The following PPP3CA variants were observed in gnomAD, a reference collection of about 807,000 sequenced individuals.
PPP3CA encodes CAM-PRP catalytic subunit.
PPP3CA carries 14 observed loss-of-function variants against 66.5 expected under a neutral mutation model. The ratio of observed to expected loss-of-function variants is 0.21; its 90% confidence interval spans 0.14 to 0.33. The LOEUF is 0.33. Ranked by LOEUF, PPP3CA falls within the 10% of genes least tolerant of loss-of-function variation. The pLI is 1.00. For missense variants in PPP3CA, 317 were observed against 639.5 expected (o/e 0.50, Z 5.44); for synonymous variants, 232 against 226.2 (o/e 1.03, Z -0.23).
Position 101,273,015 on chromosome 4 carries a change from T to C in PPP3CA, c.58+73724A>G, listed in dbSNP as rs1042550706. ...AATTCCAAAAGAACATTCTCCAGAT[T>C]GACTTTTGGTCATTTGAAGTACTAT... On this transcript the variant is annotated intron_variant, in intron 1 of 13. Coordinates refer to ENST00000394854, the MANE Select transcript of PPP3CA (RefSeq NM_000944.5). Among the ~76,000 whole-genome samples the C allele has an allele frequency of 2.0e-5, 3 of 152,192 alleles. No homozygotes were observed. In the East Asian group the frequency reaches 5.8e-4, roughly 29 times the overall value.
chr4:101,205,533 T>G (rs1013468059), intron 1 of PPP3CA, among the ~76,000 whole-genome samples: 1 of 151,902 alleles, frequency 6.6e-6, no homozygotes, highest in African/African-American at 2.4e-5. Flanking sequence ...AGTACTTGCC[T>G]TCTTAGTCCT....
At chr4:101,290,960 G>A (rs1341259039) in intron 1 of PPP3CA, among the ~76,000 whole-genome samples, 1 of 152,208 alleles carries the variant, frequency 6.6e-6, no homozygotes, top group Non-Finnish European at 1.5e-5. Flanking sequence ...ATTTTGGTGT[G>A]AACAGGCAAG....
At chr4:101,248,446 C>A (rs1024733453) in intron 1 of PPP3CA, among the ~76,000 whole-genome samples, 1 of 152,126 alleles carries the variant, frequency 6.6e-6, no homozygotes, top group African/African-American at 2.4e-5. Context: ...AGCTACATCA[C>A]AAAATAAAAG....
At chr4:101,122,546 G>A (rs1438128177) in intron 2 of PPP3CA, among the ~76,000 whole-genome samples, 1 of 152,196 alleles carries the variant, frequency 6.6e-6, no homozygotes, top group Admixed American at 6.5e-5. Context: ...GGAAAAGAAG[G>A]TTGGCTGACA....
chr4:101,247,505 C>T (rs1355244630), intron 1 of PPP3CA, among the ~76,000 whole-genome samples: 1 of 152,096 alleles, frequency 6.6e-6, no homozygotes, highest in African/African-American at 2.4e-5. Flanking sequence ...CCCACCAACC[C>T]TTCCTATGTC....
At chr4:101,196,373 C>A (rs1224236958) in intron 1 of PPP3CA, among the ~76,000 whole-genome samples, 1 of 152,116 alleles carries the variant, frequency 6.6e-6, no homozygotes, top group Non-Finnish European at 1.5e-5. Flanking sequence ...TCTATAATAT[C>A]CTGATTAAGT....
At chr4:101,304,654 C>CA (rs1728480551) in intron 1 of PPP3CA, among the ~76,000 whole-genome samples, 1 of 152,032 alleles carries the variant, frequency 6.6e-6, no homozygotes, top group Non-Finnish European at 1.5e-5. Flanking sequence ...GAATTACATT[C>CA]AAAAATGAAT....
intron 1 of PPP3CA, among the ~76,000 whole-genome samples, chr4:101,277,893 C>T (rs1727552586): frequency 6.6e-6 from 1 of 152,076 alleles, no homozygotes; most frequent in African/African-American, 2.4e-5. Flanking sequence ...AAAACCAAAG[C>T]AGTAAGTCAT....
chr4:101,315,107 A>G (rs1316646044), intron 1 of PPP3CA, among the ~76,000 whole-genome samples: 1 of 152,192 alleles, frequency 6.6e-6, no homozygotes, highest in East Asian at 1.9e-4. Flanking sequence ...TGATTGAGTC[A>G]TGAGGGCTGA....
chr4:101,113,020 G>C (rs1010487627), intron 2 of PPP3CA, among the ~76,000 whole-genome samples: 1 of 152,108 alleles, frequency 6.6e-6, no homozygotes, highest in Non-Finnish European at 1.5e-5. Flanking sequence ...AGATACCCTT[G>C]TGATTGATAG....
intron 1 of PPP3CA, among the ~76,000 whole-genome samples, chr4:101,301,156 A>G (rs1370988984): frequency 6.6e-6 from 1 of 152,024 alleles, no homozygotes; most frequent in Non-Finnish European, 1.5e-5. Context: ...ATATTTGTAT[A>G]TAAAATGACT....
chr4:101,054,291 T>C (rs1261237975), intron 10 of PPP3CA, among the ~76,000 whole-genome samples: 1 of 152,114 alleles, frequency 6.6e-6, no homozygotes, highest in African/African-American at 2.4e-5. Flanking sequence ...TTAGTATATG[T>C]GCTGCTAAAT....
At chr4:101,165,474 G>A (rs1056875211) in intron 2 of PPP3CA, among the ~76,000 whole-genome samples, 6 of 151,984 alleles carry the variant, frequency 3.9e-5, no homozygotes, top group African/African-American at 1.4e-4. Context: ...CCTTTAATGT[G>A]CTTCATACAG....
chr4:101,297,554 C>T (rs888679039), intron 1 of PPP3CA, among the ~76,000 whole-genome samples: 4 of 152,070 alleles, frequency 2.6e-5, no homozygotes, highest in African/African-American at 9.7e-5. Flanking sequence ...GCCAATTGTA[C>T]CTGCGATGTC....
chr4:101,229,927 T>C (rs1725906596), intron 1 of PPP3CA, among the ~76,000 whole-genome samples: 1 of 151,346 alleles, frequency 6.6e-6, no homozygotes, highest in African/African-American at 2.4e-5. Flanking sequence ...CCCAAGAGAT[T>C]GGAAAAAGAG....
chr4:101,151,846 CG>C (rs1723152926), intron 2 of PPP3CA, among the ~76,000 whole-genome samples: 1 of 151,472 alleles, frequency 6.6e-6, no homozygotes, highest in Non-Finnish European at 1.5e-5. Flanking sequence ...TTAGTAGAGA[CG>C]GGGTTTCACC....
At chr4:101,068,817 G>A (rs978356954) in intron 8 of PPP3CA, among the ~76,000 whole-genome samples, 1 of 152,088 alleles carries the variant, frequency 6.6e-6, no homozygotes, top group Non-Finnish European at 1.5e-5. Flanking sequence ...AGTATTTGGT[G>A]AGCAAGGACT....
intron 1 of PPP3CA, among the ~76,000 whole-genome samples, chr4:101,274,181 G>A (rs1358020816): frequency 6.6e-6 from 1 of 152,176 alleles, no homozygotes; most frequent in African/African-American, 2.4e-5. Context: ...GCGGGTGCCT[G>A]TAATCCCAGC....
chr4:101,295,133 CTACTAAAAA>C (rs1728159364), intron 1 of PPP3CA, among the ~76,000 whole-genome samples: 1 of 149,058 alleles, frequency 6.7e-6, no homozygotes. Context: ...AACCCCGTCT[CTACTAAAAA>C]TACAAAAAAT....
Sources: gnomAD v4.1 joint callset for allele counts (sites outside exome capture counted in the v4.1 genomes callset) on GRCh38, gnomAD v4.1.1 for gene constraint, MANE v1.5 for transcripts, NCBI Gene and HGNC (gene_info 2026-07-23, HGNC 2026-07-21) for gene names.